The following ADAMTS18 variants were observed in gnomAD, a reference collection of about 807,000 sequenced individuals.
The protein encoded by ADAMTS18 is ADAM metallopeptidase with thrombospondin type 1 motif 18.
In ADAMTS18, 157 loss-of-function variants were observed where a neutral mutation model predicts 165.9. The ratio of observed to expected loss-of-function variants is 0.95; its 90% CI spans 0.83 to 1.08. The LOEUF (loss-of-function observed/expected upper bound fraction) is 1.08. Among genes scored for constraint, ADAMTS18 ranks in the 50% least tolerant of loss-of-function variants. The pLI, the probability that ADAMTS18 is intolerant of heterozygous loss-of-function variation, is 0.00. For missense variants in ADAMTS18, 2,040 were observed against 1,534.0 expected (o/e 1.33, Z -5.51); for synonymous variants, 782 against 578.2 (o/e 1.35, Z -5.06).
At position 77,295,013 on chromosome 16, in the gene ADAMTS18, A is replaced by G. The variant is rs751273316; in HGVS notation, c.2916T>C (p.His972=). Reference sequence around the variant, plus strand: ...TGGGTGTGCTCACTGGACAGAGAGAATGCAACACTGCTTCCTCCTTTTGGA... The same window carrying G: ...TGGGTGTGCTCACTGGACAGAGAGAGTGCAACACTGCTTCCTCCTTTTGGA... ...KPFQKEEAVL[H]SLCPVSTPTQ... The change falls in exon 19 of 23, where the codon CAT becomes CAC. Residue 972 remains histidine, a synonymous_variant. Transcript: ENST00000282849. The G allele has an allele frequency of 2.5e-6, 4 of 1,614,164 alleles. No homozygotes were observed. The highest frequency in any genetic ancestry group is 1.7e-5 in the Admixed American group (1 of 60,026).
rs574879537 is a variant in ADAMTS18, at chr16:77,425,716, G to A, written c.495+5579C>T. Among the ~76,000 whole-genome samples the A allele has an allele frequency of 4.9e-4, 75 of 152,182 alleles. 1 individual carries two copies. The South Asian group carries it at 0.016, about 32-fold the overall frequency. ...CTTTTAGCGTGAACCGCAGAACCCT[G>A]GTACAAGATGTTGATGGAAGTGTGG... On this transcript the variant is annotated intron_variant, in intron 3 of 22. Transcript: ENST00000282849.
At chr16:77,307,174 T>C (rs1358536689) in intron 16 of ADAMTS18, among the ~76,000 whole-genome samples, 1 of 152,246 alleles carries the variant, frequency 6.6e-6, no homozygotes, top group Admixed American at 6.5e-5. Flanking sequence ...ATAGACTTTA[T>C]TGGTTGGCCT....
chr16:77,383,997 G>T (rs549605848), intron 3 of ADAMTS18, among the ~76,000 whole-genome samples: 8 of 152,080 alleles, frequency 5.3e-5, no homozygotes, highest in African/African-American at 1.9e-4. Flanking sequence ...TGACATGAGA[G>T]TGCCACACGC....
intron 3 of ADAMTS18, among the ~76,000 whole-genome samples, chr16:77,414,857 C>G (rs185940344): frequency 4.1e-4 from 63 of 152,276 alleles, no homozygotes; most frequent in Non-Finnish European, 3.7e-4. Flanking sequence ...TAAAAGAAAT[C>G]AATTAAAAAT....
At chr16:77,322,880 T>C (rs890941298) in intron 13 of ADAMTS18, among the ~76,000 whole-genome samples, 2 of 152,142 alleles carry the variant, frequency 1.3e-5, no homozygotes, top group Non-Finnish European at 2.9e-5. Context: ...CAGCAGCCCA[T>C]AGTTTGATGA....
chr16:77,376,942 G>A (rs1414957752), intron 3 of ADAMTS18, among the ~76,000 whole-genome samples: 2 of 151,150 alleles, frequency 1.3e-5, no homozygotes, highest in Non-Finnish European at 2.9e-5. Context: ...AGCCTCCTGA[G>A]TAGCTGGGCT....
intron 3 of ADAMTS18, among the ~76,000 whole-genome samples, chr16:77,381,824 C>G (rs980289316): frequency 6.6e-6 from 1 of 151,984 alleles, no homozygotes. Context: ...AATAAATAAA[C>G]AAATCAGAGT....
At chr16:77,330,657 C>G (rs6564426) in intron 12 of ADAMTS18, among the ~76,000 whole-genome samples, 2 of 152,026 alleles carry the variant, frequency 1.3e-5, no homozygotes, top group African/African-American at 4.8e-5. Context: ...CTATTTACCA[C>G]TTACATGGGA....
chr16:77,427,791 G>A (rs1021068670), intron 3 of ADAMTS18, among the ~76,000 whole-genome samples: 1 of 152,152 alleles, frequency 6.6e-6, no homozygotes, highest in Admixed American at 6.5e-5. Flanking sequence ...GAGTTGGCAG[G>A]GGAGGTGGGT....
rs1237589367 is a variant in ADAMTS18, at chr16:77,282,932, T to A, written c.*1024A>T. The A allele has an allele frequency of 7.5e-6, 1 of 133,616 alleles. No homozygotes were observed. The highest frequency in any genetic ancestry group is 2.1e-4 in the East Asian group (1 of 4,826). 8.3% of individuals were successfully genotyped at this position (133,616 alleles called of 1,614,324 possible). ...TTTTTTTTTTTTTTTTTTTTGCTGT[T>A]AGCTCAATCCTAGGGCAAATTTAAA... On this transcript the variant is annotated 3_prime_UTR_variant, in exon 23 of 23. Coordinates refer to ENST00000282849, the MANE Select transcript of ADAMTS18 (RefSeq NM_199355.4).
At chr16:77,372,493 C>CTGTGTA (rs1259768531) in intron 3 of ADAMTS18, among the ~76,000 whole-genome samples, 8 of 152,324 alleles carry the variant, frequency 5.3e-5, no homozygotes, top group African/African-American at 1.7e-4. Flanking sequence ...GCTGTGGCAT[C>CTGTGTA]GACATGATGT....
chr16:77,401,607 T>C (rs1241035153), intron 3 of ADAMTS18, among the ~76,000 whole-genome samples: 2 of 152,214 alleles, frequency 1.3e-5, no homozygotes, highest in Admixed American at 1.3e-4. Flanking sequence ...ACTTTATGTA[T>C]CAAATTGACT....
rs897631229 is a variant in ADAMTS18, at chr16:77,311,141, C to T, written c.2532+8708G>A. Among the ~76,000 whole-genome samples the T allele has an allele frequency of 8.5e-5, 13 of 152,164 alleles. No individual in the cohort carries two copies. The East Asian group carries it at 9.6e-4, about 11-fold the overall frequency. ...CATTACTCTCACAGTGGCATCCTCA[C>T]GTGTTGTGGAAAACATACACTTCTG... On this transcript the variant is annotated intron_variant, in intron 16 of 22. Transcript: ENST00000282849.
At chr16:77,385,030 T>A (rs934957092) in intron 3 of ADAMTS18, among the ~76,000 whole-genome samples, 2 of 151,718 alleles carry the variant, frequency 1.3e-5, no homozygotes, top group African/African-American at 4.8e-5. Flanking sequence ...TGCCTCAGCC[T>A]CCCAAGTAGC....
chr16:77,414,821 A>ACCC (rs2057509151), intron 3 of ADAMTS18, among the ~76,000 whole-genome samples: 20 of 152,242 alleles, frequency 1.3e-4, no homozygotes, highest in Admixed American at 5.9e-4. Flanking sequence ...TTACATCATT[A>ACCC]CCCCACATGT....
chr16:77,299,545 G>A (rs1018470688), intron 17 of ADAMTS18, among the ~76,000 whole-genome samples: 1 of 152,152 alleles, frequency 6.6e-6, no homozygotes, highest in African/African-American at 2.4e-5. Context: ...ACTGTCACCA[G>A]GTGCTCTGAA....
chr16:77,390,910 C>T (rs1158453225), intron 3 of ADAMTS18, among the ~76,000 whole-genome samples: 3 of 152,258 alleles, frequency 2.0e-5, no homozygotes. Flanking sequence ...TTGGCAGCTA[C>T]CATACTAAAC....
intron 16 of ADAMTS18, among the ~76,000 whole-genome samples, chr16:77,301,507 C>T (rs537529148): frequency 4.6e-5 from 7 of 152,332 alleles, no homozygotes; most frequent in African/African-American, 1.7e-4. Context: ...CTGGTTCTTT[C>T]CCACTCCATG....
intron 11 of ADAMTS18, among the ~76,000 whole-genome samples, chr16:77,336,883 C>G (rs2056319156): frequency 6.6e-6 from 1 of 152,158 alleles, no homozygotes; most frequent in South Asian, 2.1e-4. Flanking sequence ...TTCTAAAAGC[C>G]TCTGCAATTA....
Sources: allele counts gnomAD v4.1 joint callset (sites outside exome capture counted in the v4.1 genomes callset), GRCh38; gene constraint gnomAD v4.1.1; transcripts MANE v1.5; gene names NCBI Gene and HGNC (gene_info 2026-07-23, HGNC 2026-07-21).